SLC9A9: variants seen among roughly 807,000 people sequenced by gnomAD.
SLC9A9 encodes the protein solute carrier family 9 member A9.
Under a neutral mutation model 77.8 loss-of-function variants are expected in SLC9A9, and 62 were observed. That is an observed-to-expected ratio of 0.80 (90% CI 0.65 to 0.98). SLC9A9 has a LOEUF of 0.98. SLC9A9 is among the 50% of genes least tolerant of loss of function. The pLI is 0.00. For missense variants in SLC9A9, 775 were observed against 774.9 expected, an observed-to-expected ratio of 1.00 and a Z score of 0.00; for synonymous variants, 320 against 283.5, an observed-to-expected ratio of 1.13 and a Z score of -1.29.
intron 14 of SLC9A9, 67 bp downstream of exon 14, chr3:143,363,417 G>T: frequency 1.4e-6 from 2 of 1,441,300 alleles, no homozygotes; most frequent in Non-Finnish European, 1.9e-6. Flanking sequence ...ACACTTCAAT[G>T]ATTAAGAGCT....
At chr3:143,836,856 T>C (rs2009581345) in intron 1 of SLC9A9, among the ~76,000 whole-genome samples, 1 of 152,206 alleles carries the variant, frequency 6.6e-6, no homozygotes, top group Admixed American at 6.5e-5. Flanking sequence ...GCCCTTAAAA[T>C]ATTAAAATAT....
At position 143,446,002 on chromosome 3, in the gene SLC9A9, A is replaced by G. The variant is rs142102223; in HGVS notation, c.1469+21035T>C. On this transcript the variant is annotated intron_variant, in intron 12 of 15. Transcript: ENST00000316549. ...GAGTGAGAAGAAAGGATTGGTAGAC[A>G]CTATGAATTATAGCTCTTTTGAAGG... is the stretch of plus-strand genomic sequence containing the variant. Among the ~76,000 whole-genome samples the G allele has an allele frequency of 6.9e-3, 1,056 of 152,270 alleles. 14 individuals are homozygous for G. The highest frequency in any genetic ancestry group is 0.024 in the African/African-American group (999 of 41,518).
chr3:143,749,584 T>A (rs1031864465), intron 4 of SLC9A9, among the ~76,000 whole-genome samples: 3 of 152,250 alleles, frequency 2.0e-5, no homozygotes, highest in Non-Finnish European at 4.4e-5. Flanking sequence ...TAAACTTCAG[T>A]ACTCCATCAG....
intron 9 of SLC9A9, among the ~76,000 whole-genome samples, chr3:143,540,511 C>T (rs991059695): frequency 6.6e-6 from 1 of 152,094 alleles, no homozygotes; most frequent in East Asian, 1.9e-4. Context: ...GGAAGAAAAA[C>T]AGAAAGCCCA....
chr3:143,525,752 T>C (rs150711982), intron 9 of SLC9A9, among the ~76,000 whole-genome samples: 3 of 152,268 alleles, frequency 2.0e-5, no homozygotes, highest in Non-Finnish European at 2.9e-5. Context: ...AAGAATGAAA[T>C]AATCAAAATC....
At chr3:143,322,101 CT>C (rs1018603882) in intron 14 of SLC9A9, among the ~76,000 whole-genome samples, 1 of 152,092 alleles carries the variant, frequency 6.6e-6, no homozygotes, top group Non-Finnish European at 1.5e-5. Flanking sequence ...TCTCTTTTTT[CT>C]TTTTTTAGAT....
In SLC9A9 at chr3:143,608,554, G is replaced by T. The variant is rs183411632; in HGVS notation, c.756-29831C>A. 5.8e-3 allele frequency among the ~76,000 whole-genome samples: 884 copies of T among 152,290 alleles called. 14 individuals are homozygous for T. The highest frequency in any genetic ancestry group is 4.1e-3 in the Non-Finnish European group (277 of 68,014). Reference sequence around the variant, plus strand: ...ACGGTGGGCTTTCCCTAGACTTCTTGTTATGCAGACAAACAATATTCTTAG... The same window carrying T: ...ACGGTGGGCTTTCCCTAGACTTCTTTTTATGCAGACAAACAATATTCTTAG... On this transcript the variant is annotated intron_variant, in intron 6 of 15. Transcript: ENST00000316549.
chr3:143,558,058 C>T (rs1448289121), intron 8 of SLC9A9, among the ~76,000 whole-genome samples: 1 of 152,220 alleles, frequency 6.6e-6, no homozygotes, highest in Non-Finnish European at 1.5e-5. Context: ...CCAGGGCCCC[C>T]CTGCTCTGTG....
intron 11 of SLC9A9, 88 bp from the exon 12 acceptor site, chr3:143,467,278 AT>A: frequency 1.1e-5 from 16 of 1,429,736 alleles, no homozygotes; most frequent in African/African-American, 1.4e-5. Flanking sequence ...TGCTGACACA[AT>A]TTTTTTAAAT....
At position 143,848,059 on chromosome 3, in the gene SLC9A9, C is replaced by T. The variant is rs965368493; in HGVS notation, c.175+89G>A. On this transcript the variant is annotated intron_variant, in intron 1 of 15. Coordinates refer to ENST00000316549, the MANE Select transcript of SLC9A9 (RefSeq NM_173653.4). ...TGACATTTCAATCAGCACATTTTCT[C>T]CAGTTTCGGTACTTTGCTATCTGAG... The T allele has an allele frequency of 4.9e-6, 6 of 1,223,286 alleles. No homozygotes were observed. In the African/African-American group the frequency reaches 7.4e-5, roughly 15 times the overall value. 75.8% of individuals were successfully genotyped at this position (1,223,286 alleles called of 1,614,324 possible). A position where few individuals can be genotyped will look rare whatever the true frequency, so the allele number is the denominator to read the frequency against.
At chr3:143,356,721 C>T (rs1225526285) in intron 14 of SLC9A9, among the ~76,000 whole-genome samples, 2 of 151,994 alleles carry the variant, frequency 1.3e-5, no homozygotes, top group African/African-American at 4.8e-5. Flanking sequence ...TGCTATGTTG[C>T]CCAGGGTGGT....
At position 143,293,927 on chromosome 3, in the gene SLC9A9, C is replaced by G. The variant is rs369233386; in HGVS notation, c.1605-24947G>C. Among the ~76,000 whole-genome samples, 187 of 152,048 alleles carry G rather than the reference C, an allele frequency of 1.2e-3. 1 individual carries two copies. Among genetic ancestry groups the G allele is most frequent in the African/African-American group, 4.1e-3 (169 of 41,462 alleles). ...AACCAAGCATTGAATTAGGAACCAG[C>G]GTTAAAAAAATAAATCTCATACACA... On this transcript the variant is annotated intron_variant, in intron 14 of 15. Transcript: ENST00000316549.
At chr3:143,497,008 A>G (rs1457194898) in intron 9 of SLC9A9, among the ~76,000 whole-genome samples, 1 of 152,148 alleles carries the variant, frequency 6.6e-6, no homozygotes, top group East Asian at 1.9e-4. Flanking sequence ...TCTTCTTATA[A>G]GGGCACTAAT....
At chr3:143,503,899 G>C in intron 9 of SLC9A9, 1 of 371,152 alleles carries the variant, frequency 2.7e-6, no homozygotes, top group Non-Finnish European at 5.2e-6. Context: ...GGGCATCAGA[G>C]GAGGGGGCAG....
At chr3:143,841,084 G>A (rs1166011433) in intron 1 of SLC9A9, among the ~76,000 whole-genome samples, 1 of 152,158 alleles carries the variant, frequency 6.6e-6, no homozygotes, top group East Asian at 1.9e-4. Context: ...AAGAACAGAG[G>A]TTATATAGTC....
rs575653621 is a variant in SLC9A9, at chr3:143,689,259, A to T, written c.649+3933T>A. 1.3e-4 allele frequency among the ~76,000 whole-genome samples: 20 copies of T among 152,274 alleles called. No homozygotes were observed. In the South Asian group the frequency reaches 3.9e-3, roughly 30 times the overall value. ...TCTTTCCAGAAATGTCTCCCAAAGA[A>T]ACACTGTCAAAATGTGAAAAGCTAT... On this transcript the variant is annotated intron_variant, in intron 5 of 15. Transcript: ENST00000316549.
chr3:143,337,767 C>T (rs916405927), intron 14 of SLC9A9, among the ~76,000 whole-genome samples: 1 of 152,186 alleles, frequency 6.6e-6, no homozygotes, highest in African/African-American at 2.4e-5. Context: ...CTTGGGGGAA[C>T]CAAAGACAGG....
At chr3:143,679,209 C>A (rs570843328) in intron 5 of SLC9A9, among the ~76,000 whole-genome samples, 7 of 152,334 alleles carry the variant, frequency 4.6e-5, no homozygotes, top group African/African-American at 1.7e-4. Context: ...CATTGCTTAG[C>A]TCCTTGCCAC....
At chr3:143,477,208 T>A (rs368796249) in intron 11 of SLC9A9, among the ~76,000 whole-genome samples, 6 of 152,330 alleles carry the variant, frequency 3.9e-5, no homozygotes, top group Admixed American at 2.6e-4. Context: ...GAGTCACTTC[T>A]GGTCCAAGGC....
Sources: allele counts gnomAD v4.1 joint callset (sites outside exome capture counted in the v4.1 genomes callset), GRCh38; gene constraint gnomAD v4.1.1; transcripts MANE v1.5; gene names NCBI Gene and HGNC (gene_info 2026-07-23, HGNC 2026-07-21).